The following CEP83 variants were observed in gnomAD, a reference collection of about 807,000 sequenced individuals.
CEP83 encodes centrosomal protein of 83 kDa.
CEP83 carries 70 observed loss-of-function variants against 101.9 expected under a neutral mutation model. The observed-to-expected ratio is 0.69, with a 90% CI of 0.57 to 0.84. The LOEUF (loss-of-function observed/expected upper bound fraction) is 0.84, where lower values mean the gene tolerates loss of function less well. CEP83 is among the 40% of genes least tolerant of loss of function. The probability of loss-of-function intolerance (pLI) is 0.00; values close to 1 mark genes in which losing one functional copy is unlikely to be tolerated. For synonymous variants in CEP83, 264 were observed against 267.9 expected (o/e 0.99, Z 0.14); for missense variants, 715 against 787.2 (o/e 0.91, Z 1.10).
rs138519727 is a variant in CEP83 at position 94,414,183 on chromosome 12, C to T, written c.-101-1592G>A. On this transcript the variant is annotated intron_variant, in intron 2 of 16. Coordinates refer to ENST00000397809, the MANE Select transcript of CEP83 (RefSeq NM_016122.3). ...ATTCAATCTTTGTAAATACAGAATG[C>T]GCTATCTGTAGCAGCTACCACAAAA... is the stretch of plus-strand genomic sequence containing the variant. 1.1e-3 allele frequency among the ~76,000 whole-genome samples: 174 copies of T among 152,296 alleles called. No individual in the cohort carries two copies. In the South Asian group the frequency reaches 0.014, roughly 13 times the overall value.
At chr12:94,449,520 G>A (rs1476907913) in intron 1 of CEP83, among the ~76,000 whole-genome samples, 1 of 151,600 alleles carries the variant, frequency 6.6e-6, no homozygotes, top group Non-Finnish European at 1.5e-5. Context: ...ACTTTGGGAG[G>A]CCACGCAGGT....
At chr12:94,345,553 C>T (rs2059896211) in intron 11 of CEP83, among the ~76,000 whole-genome samples, 1 of 152,134 alleles carries the variant, frequency 6.6e-6, no homozygotes, top group Non-Finnish European at 1.5e-5. Context: ...TTTACCTGCG[C>T]CTTTTTCTCT....
chr12:94,310,128 T>C, intron 15 of CEP83, 21 bp from the exon 16 acceptor site: 1 of 1,372,454 alleles, frequency 7.3e-7, no homozygotes, highest in Admixed American at 1.9e-5. Flanking sequence ...AAAAGAAATG[T>C]TTCTTTAACA....
chr12:94,353,565 C>G (rs927864361), intron 11 of CEP83, among the ~76,000 whole-genome samples: 3 of 152,128 alleles, frequency 2.0e-5, no homozygotes, highest in Non-Finnish European at 2.9e-5. Flanking sequence ...AATGACAGGA[C>G]TAAGTCCTTC....
intron 14 of CEP83, among the ~76,000 whole-genome samples, chr12:94,316,126 T>C (rs1348037422): frequency 1.3e-5 from 2 of 152,188 alleles, no homozygotes; most frequent in South Asian, 2.1e-4. Context: ...TTCCAAGTCA[T>C]GAACATGGTA....
intron 2 of CEP83, among the ~76,000 whole-genome samples, chr12:94,421,501 C>T (rs1277896159): frequency 1.3e-5 from 2 of 152,208 alleles, no homozygotes; most frequent in Non-Finnish European, 2.9e-5. Context: ...GGTTGTGAGG[C>T]TACCACATGG....
the CEP83 span, chr12:94,300,855 C>T: frequency 6.5e-7 from 1 of 1,539,506 alleles, no homozygotes; most frequent in Admixed American, 1.7e-5. Context: ...GATAAACAGA[C>T]CATTGGCTTC....
intron 4 of CEP83, among the ~76,000 whole-genome samples, chr12:94,411,361 C>A (rs967622007): frequency 6.6e-6 from 1 of 152,026 alleles, no homozygotes; most frequent in Admixed American, 6.6e-5. Flanking sequence ...AATGCATATA[C>A]AAATACTAGT....
chr12:94,343,313 A>G (rs2059774485), intron 11 of CEP83, among the ~76,000 whole-genome samples: 1 of 151,920 alleles, frequency 6.6e-6, no homozygotes, highest in Non-Finnish European at 1.5e-5. Context: ...GCACCGTGAG[A>G]CTGTCGCCTT....
chr12:94,275,551 C>T, the CEP83 span, among the ~76,000 whole-genome samples: 3 of 152,096 alleles, frequency 2.0e-5, no homozygotes, highest in South Asian at 2.1e-4. Flanking sequence ...ACTGTACTTA[C>T]GCCTTAAGAA....
At chr12:94,401,461 G>T (rs1310863128) in intron 5 of CEP83, among the ~76,000 whole-genome samples, 2 of 152,128 alleles carry the variant, frequency 1.3e-5, no homozygotes, top group Non-Finnish European at 2.9e-5. Flanking sequence ...AGACCAACCT[G>T]AAGAATACGT....
At chr12:94,378,730 C>A in intron 7 of CEP83, 61 bp downstream of exon 7, 1 of 1,571,166 alleles carries the variant, frequency 6.4e-7, no homozygotes, top group South Asian at 1.2e-5. Context: ...AAATCAAAGG[C>A]TTGTCAACTG....
At chr12:94,384,910 T>A (rs1198262371) in intron 6 of CEP83, among the ~76,000 whole-genome samples, 4 of 152,212 alleles carry the variant, frequency 2.6e-5, no homozygotes, top group African/African-American at 9.6e-5. Context: ...TTAGTGTGTT[T>A]TACATTCAGT....
chr12:94,344,921 C>A (rs893064359), intron 11 of CEP83, among the ~76,000 whole-genome samples: 1 of 152,082 alleles, frequency 6.6e-6, no homozygotes, highest in African/African-American at 2.4e-5. Flanking sequence ...ACCAAACTTA[C>A]TATAAAGCTA....
chr12:94,377,130 A>T (rs1256755552), intron 7 of CEP83, among the ~76,000 whole-genome samples: 2 of 152,198 alleles, frequency 1.3e-5, no homozygotes, highest in African/African-American at 4.8e-5. Flanking sequence ...ATGCTGTTCG[A>T]CTTATGATGG....
At chr12:94,316,421 CTG>C (rs1181689663) in intron 14 of CEP83, among the ~76,000 whole-genome samples, 3 of 148,240 alleles carry the variant, frequency 2.0e-5, no homozygotes, top group Non-Finnish European at 4.5e-5. Context: ...TTTTAAATTC[CTG>C]TCTACTCTTT....
chr12:94,308,976 C>T, intron 16 of CEP83, 59 bp from the exon 17 acceptor site: 3 of 1,123,406 alleles, frequency 2.7e-6, no homozygotes, highest in Non-Finnish European at 4.1e-6. Flanking sequence ...TGTTAGGTAG[C>T]AACCTTGGAC....
At chr12:94,434,371 C>G (rs2138247197) in intron 2 of CEP83, among the ~76,000 whole-genome samples, 1 of 152,174 alleles carries the variant, frequency 6.6e-6, no homozygotes, top group African/African-American at 2.4e-5. Context: ...CATGGAAATT[C>G]TTTTTATAGG....
At chr12:94,319,821 T>C (rs1971342252) in intron 14 of CEP83, among the ~76,000 whole-genome samples, 1 of 152,208 alleles carries the variant, frequency 6.6e-6, no homozygotes, top group African/African-American at 2.4e-5. Flanking sequence ...GAAGAATGTA[T>C]ATTCCTGTTG....
Sources: gnomAD v4.1 joint callset for allele counts (sites outside exome capture counted in the v4.1 genomes callset) on GRCh38, gnomAD v4.1.1 for gene constraint, MANE v1.5 for transcripts, NCBI Gene and HGNC (gene_info 2026-07-23, HGNC 2026-07-21) for gene names.